Variants in ATP13A3 observed in about 807,000 individuals in gnomAD.
ATP13A3 encodes the protein polyamine-transporting ATPase 13A3.
A neutral mutation model predicts 158.1 loss-of-function variants in ATP13A3; 59 were observed. The observed-to-expected ratio is 0.37, with a 90% CI of 0.30 to 0.46. The LOEUF (loss-of-function observed/expected upper bound fraction) is 0.46. ATP13A3 is among the 20% of genes least tolerant of loss of function. The probability of loss-of-function intolerance (pLI) is 1.00; values close to 1 mark genes in which losing one functional copy is unlikely to be tolerated. For synonymous variants in ATP13A3, 491 were observed against 504.3 expected, an observed-to-expected ratio of 0.97 and a Z score of 0.35; for missense variants, 1,166 against 1,525.2, an observed-to-expected ratio of 0.76 and a Z score of 3.92.
At chr3:194,459,450 A>C in intron 6 of ATP13A3, 21 bp downstream of exon 6, 1 of 1,480,554 alleles carries the variant, frequency 6.8e-7, no homozygotes. Context: ...AATACAATCC[A>C]AACAAAAGGA....
Position 194,429,774 on chromosome 3 carries a change from C to A in ATP13A3, c.2778G>T (p.Arg926Ser), listed in dbSNP as rs757135845. The A allele has an allele frequency of 3.1e-6, 5 of 1,612,572 alleles. No individual in the cohort carries two copies. In the East Asian group the frequency reaches 1.1e-4, roughly 36 times the overall value. ...PSISCVPNLI[R>S]EGRAALITSF... ...AAGTTATTAAAGCAGCACGGCCTTC[C>A]CTGTGAAAAGAAATCAAATGTCGGC... Residue 926 changes from arginine (R) to serine (S), a missense_variant and splice_region_variant, in exon 27 of 34, where the codon AGG (arginine) becomes AGT (serine). By Grantham distance (110) the Arg-to-Ser change is moderately radical. This residue lies in a region of ATP13A3 where 997 missense variants were observed against 1,341.2 expected (regional missense o/e 0.74). Coordinates refer to ENST00000645319, the MANE Select transcript of ATP13A3 (RefSeq NM_001367549.1).
Position 194,460,177 on chromosome 3 carries a change from A to G in ATP13A3, c.226-206T>C, listed in dbSNP as rs549305979. On this transcript the variant is annotated intron_variant, in intron 4 of 33. Coordinates refer to ENST00000645319, the MANE Select transcript of ATP13A3 (RefSeq NM_001367549.1). ...TTCCATTGCTCATGGTTTTTATGAC[A>G]TATTTTACCGATAAGCACATCAATA... 1.1e-4 allele frequency among the ~76,000 whole-genome samples: 17 copies of G among 152,326 alleles called. No individual in the cohort carries two copies. In the East Asian group the frequency reaches 3.1e-3, roughly 28 times the overall value.
rs188605271 is a variant in ATP13A3, at chr3:194,473,497, A to T, written c.-46-11261T>A. On this transcript the variant is annotated intron_variant, in intron 2 of 33. Coordinates refer to ENST00000645319, the MANE Select transcript of ATP13A3 (RefSeq NM_001367549.1). ...CCCATTAAATTGGTGAAAAAAAAAA[A>T]ACCTGACAAGGAGCAACCTTATATA... 3.9e-5 allele frequency among the ~76,000 whole-genome samples: 6 copies of T among 152,066 alleles called. 1 individual carries two copies. The highest frequency in any genetic ancestry group is 1.4e-4 in the African/African-American group (6 of 41,472).
intron 13 of ATP13A3, 50 bp downstream of exon 13, chr3:194,447,802 T>C (rs1718506179): frequency 4.1e-6 from 6 of 1,464,650 alleles, no homozygotes; most frequent in Non-Finnish European, 5.6e-6. Context: ...AATAGCTGCA[T>C]ATGATAAATA....
chr3:194,403,281 A>C lies in ATP13A3; in HGVS notation c.*2638T>G, dbSNP rs1714733193. ...CAAGTGCAATTGGGAAAGCTTTCGAATTTCAGGATTATAAAACTACTATAA... is the reference window on the plus strand; with the variant it reads ...CAAGTGCAATTGGGAAAGCTTTCGACTTTCAGGATTATAAAACTACTATAA... On this transcript the variant is annotated 3_prime_UTR_variant, in exon 34 of 34. Coordinates refer to ENST00000645319, the MANE Select transcript of ATP13A3 (RefSeq NM_001367549.1). The C allele has an allele frequency of 6.6e-6, 1 of 152,246 alleles. No homozygotes were observed. The highest frequency in any genetic ancestry group is 2.4e-5 in the African/African-American group (1 of 41,474). 9.4% of individuals were successfully genotyped at this position (152,246 alleles called of 1,614,324 possible). A position where few individuals can be genotyped will look rare whatever the true frequency, so the allele number is the denominator to read the frequency against.
intron 24 of ATP13A3, 145 bp downstream of exon 24, chr3:194,430,798 A>G (rs894455973): frequency 1.8e-5 from 10 of 570,052 alleles, no homozygotes; most frequent in Non-Finnish European, 2.2e-5. Context: ...AGCGGCACTT[A>G]AAGTTCTGAA....
chr3:194,483,631 C>T (rs1720848205), intron 2 of ATP13A3, among the ~76,000 whole-genome samples: 1 of 152,130 alleles, frequency 6.6e-6, no homozygotes, highest in Non-Finnish European at 1.5e-5. Flanking sequence ...GATTTACTCT[C>T]TCCATAGGCC....
chr3:194,474,572 T>C (rs1240320284), intron 2 of ATP13A3, among the ~76,000 whole-genome samples: 1 of 152,244 alleles, frequency 6.6e-6, no homozygotes, highest in Non-Finnish European at 1.5e-5. Context: ...CTAAAAATTA[T>C]ACTTTTTAGT....
chr3:194,472,019 C>G (rs187913540), intron 2 of ATP13A3: 706 of 152,642 alleles, frequency 4.6e-3, no homozygotes, highest in South Asian at 0.012. Flanking sequence ...AAGAGGCTCA[C>G]TTCTGCAGGC....
chr3:194,429,655 C>G, intron 27 of ATP13A3, 23 bp downstream of exon 27: 1 of 1,550,894 alleles, frequency 6.4e-7, no homozygotes, highest in Non-Finnish European at 8.9e-7. Context: ...AGTGTTATCT[C>G]TGCACACAAT....
chr3:194,478,584 T>C (rs187553088), intron 2 of ATP13A3, among the ~76,000 whole-genome samples: 31 of 152,234 alleles, frequency 2.0e-4, no homozygotes, highest in Non-Finnish European at 2.6e-4. Context: ...GGTGATAGCC[T>C]TTGAGGAATA....
In ATP13A3 at chr3:194,442,423, C is replaced by T. The variant is rs1294907031; in HGVS notation, c.1560-962G>A. Among the ~76,000 whole-genome samples the T allele has an allele frequency of 2.6e-5, 4 of 152,266 alleles. No homozygotes were observed. The East Asian group carries it at 5.8e-4, about 22-fold the overall frequency. ...AACCAGCCTGGGAAATATAGCGAGA[C>T]ACCCATACCAATTCCTATGTTTAAA... On this transcript the variant is annotated intron_variant, in intron 15 of 33. Coordinates refer to ENST00000645319, the MANE Select transcript of ATP13A3 (RefSeq NM_001367549.1).
In ATP13A3 at chr3:194,459,986, G is replaced by T; in HGVS notation, c.226-15C>A. On this transcript the variant is annotated splice_polypyrimidine_tract_variant and intron_variant, in intron 4 of 33. Transcript: ENST00000645319. The stretch of plus-strand genomic sequence containing the variant: ...TTGAATTCATCCTTAAAGAGAGAAA[G>T]GGATAACGGTAAGGAGTCAATTTTA... 1 of 1,597,750 alleles carries T rather than the reference G, an allele frequency of 6.3e-7. No individual in the cohort carries two copies. Among genetic ancestry groups the T allele is most frequent in the Non-Finnish European group, 8.5e-7 (1 of 1,169,788 alleles).
Position 194,405,846 on chromosome 3 carries a change from CA to C in ATP13A3, c.*72del. ...ACTGAACTAGTGCCATTCTGACACACAGGATCAGAAACTCCTAAAATCACAT... is the reference window on the plus strand; with the variant it reads ...ACTGAACTAGTGCCATTCTGACACACGGATCAGAAACTCCTAAAATCACAT... On this transcript the variant is annotated 3_prime_UTR_variant, in exon 34 of 34. Coordinates refer to ENST00000645319, the MANE Select transcript of ATP13A3 (RefSeq NM_001367549.1). 2.0e-6 allele frequency: 3 copies of C among 1,488,674 alleles called. No homozygotes were observed. The highest frequency in any genetic ancestry group is 3.4e-5 in the Admixed American group (2 of 59,088). The allele number at this position is 1,488,674 out of a possible 1,614,324, so 92.2% of individuals were successfully genotyped here. A position where few individuals can be genotyped will look rare whatever the true frequency, so the allele number is the denominator to read the frequency against.
chr3:194,413,848 C>T lies in ATP13A3; in HGVS notation c.3403-9G>A. The T allele has an allele frequency of 6.2e-7, 1 of 1,609,498 alleles. No homozygotes were observed. The highest frequency in any genetic ancestry group is 8.5e-7 in the Non-Finnish European group (1 of 1,176,120). ...TATGGTACACACACTATCTGTAATG[C>T]AAAAACATTTTAAAGTTAAAATTGT... On this transcript the variant is annotated splice_polypyrimidine_tract_variant and intron_variant, in intron 31 of 33. Coordinates refer to ENST00000645319, the MANE Select transcript of ATP13A3 (RefSeq NM_001367549.1).
At chr3:194,450,106 C>G (rs1718699988) in intron 11 of ATP13A3, 39 bp downstream of exon 11, 1 of 1,603,052 alleles carries the variant, frequency 6.2e-7, no homozygotes, top group African/African-American at 1.3e-5. Flanking sequence ...CATGATATAT[C>G]ATGAACAACT....
At chr3:194,431,338 A>G in intron 22 of ATP13A3, 112 bp from the exon 23 acceptor site, 1 of 1,240,296 alleles carries the variant, frequency 8.1e-7, no homozygotes. Flanking sequence ...TATGTTCCAC[A>G]ACATGATGAA....
rs1204445816 is a variant in ATP13A3, at chr3:194,402,975, A to G, written c.*2944T>C. On this transcript the variant is annotated 3_prime_UTR_variant, in exon 34 of 34. Transcript: ENST00000645319. ...ATTAAAAATGTGTAAATGCCCACAG[A>G]CTGTACAAAAATTAACACCCCATTT... 3 of 152,180 alleles carry G rather than the reference A, an allele frequency of 2.0e-5. No homozygotes were observed. Among genetic ancestry groups the G allele is most frequent in the Non-Finnish European group, 2.9e-5 (2 of 68,024 alleles). 9.4% of individuals were successfully genotyped at this position (152,180 alleles called of 1,614,324 possible). A position where few individuals can be genotyped will look rare whatever the true frequency, so the allele number is the denominator to read the frequency against.
Position 194,413,815 on chromosome 3 carries a change from G to A in ATP13A3, c.3427C>T (p.Arg1143Cys), listed in dbSNP as rs79760253. The A allele has an allele frequency of 2.5e-6, 4 of 1,613,822 alleles. No individual in the cohort carries two copies. The highest frequency in any genetic ancestry group is 2.2e-5 in the East Asian group (1 of 44,880). ...AGAACAATGATGAGCATAGTTACACGCCACTGATATGGTACACACACTATC... is the reference window on the plus strand; with the variant it reads ...AGAACAATGATGAGCATAGTTACACACCACTGATATGGTACACACACTATC... ...LQIVCVPYQWRVTMLIIVLVN... is the reference protein window; with the variant it reads ...LQIVCVPYQWCVTMLIIVLVN... The change falls in exon 32 of 34, where the codon CGT becomes TGT. Residue 1143 changes from arginine (R) to cysteine (C), a missense_variant. Around this residue, in one of 3 missense-constraint regions of ATP13A3, gnomAD observed 997 missense variants for 1,341.2 expected, o/e 0.74. Coordinates refer to ENST00000645319, the MANE Select transcript of ATP13A3 (RefSeq NM_001367549.1).
Sources: gnomAD v4.1 joint callset for allele counts (sites outside exome capture counted in the v4.1 genomes callset) on GRCh38, gnomAD v4.1.1 for gene constraint, gnomAD v4.1.1 regional missense constraint, MANE v1.5 for transcripts, NCBI Gene and HGNC (gene_info 2026-07-23, HGNC 2026-07-21) for gene names.